PXDC1: variants seen among roughly 807,000 people sequenced by gnomAD.
The protein encoded by PXDC1 is PX domain containing 1, also known as PX domain-containing protein 1.
In PXDC1, 13 loss-of-function variants were observed where a neutral mutation model predicts 24.4. The observed-to-expected ratio is 0.53, with a 90% CI of 0.35 to 0.85. The LOEUF is 0.85. Ranked by LOEUF, PXDC1 falls within the 40% of genes least tolerant of loss-of-function variation. The pLI is 0.01. For synonymous variants in PXDC1, 162 were observed against 124.9 expected (o/e 1.30, Z -1.98); for missense variants, 344 against 309.3 (o/e 1.11, Z -0.84).
chr6:3,726,791 C>T (rs1760078137), intron 4 of PXDC1, among the ~76,000 whole-genome samples: 1 of 152,268 alleles, frequency 6.6e-6, no homozygotes, highest in South Asian at 2.1e-4. Flanking sequence ...GCATCCAGAG[C>T]TGCCTCTGTG....
intron 3 of PXDC1, among the ~76,000 whole-genome samples, chr6:3,731,898 G>GGGCT (rs1760208329): frequency 6.6e-6 from 1 of 152,212 alleles, no homozygotes; most frequent in East Asian, 1.9e-4. Flanking sequence ...TATGGGGGTG[G>GGGCT]GGCTGAGGCT....
chr6:3,737,629 T>G lies in PXDC1; in HGVS notation c.348+428A>C. 4.1e-6 allele frequency: 4 copies of G among 984,764 alleles called. No homozygotes were observed. Among genetic ancestry groups the G allele is most frequent in the Non-Finnish European group, 4.8e-6 (4 of 829,474 alleles). The allele number at this position is 984,764 out of a possible 1,614,324, so 61.0% of individuals were successfully genotyped here. Reference sequence around the variant, plus strand: ...CCCGCAGGCTTACATGGAAAGGGAGTTGACGGTCAAATCCGGGCAACGTGC... The same window carrying G: ...CCCGCAGGCTTACATGGAAAGGGAGGTGACGGTCAAATCCGGGCAACGTGC... On this transcript the variant is annotated intron_variant, in intron 2 of 4. Transcript: ENST00000380283. The surrounding 1 kb of genome is among the most constrained non-coding windows in gnomAD (Gnocchi z 5.5).
At chr6:3,739,319 G>A (rs572979848) in intron 1 of PXDC1, among the ~76,000 whole-genome samples, 33 of 152,316 alleles carry the variant, frequency 2.2e-4, no homozygotes, top group Non-Finnish European at 4.3e-4. Flanking sequence ...CCATAACGGG[G>A]GTCAGTGGGG....
chr6:3,738,034 GC>G (rs3215783), intron 2 of PXDC1, 22 bp downstream of exon 2: 576,990 of 1,604,234 alleles, frequency 0.36, 104,625 homozygotes, highest in East Asian at 0.42. Context: ...TCCCTGCCCA[GC>G]CCGGGGCCTG....
intron 1 of PXDC1, chr6:3,750,963 G>A (rs1026560058): frequency 6.1e-6 from 2 of 328,332 alleles, no homozygotes; most frequent in South Asian, 6.5e-5. Flanking sequence ...CTCAGCCCCG[G>A]GCGCCCCCGC....
At chr6:3,748,728 G>A (rs1477186680) in intron 1 of PXDC1, among the ~76,000 whole-genome samples, 2 of 152,166 alleles carry the variant, frequency 1.3e-5, no homozygotes, top group African/African-American at 4.8e-5. Flanking sequence ...AGAGTCACCA[G>A]CCCACTGCCA....
At position 3,727,769 on chromosome 6, in the gene PXDC1, G is replaced by A. The variant is rs1016278821; in HGVS notation, c.467-107C>T. ...CTGCTTTCTCCTCCACCTGTTGCCC[G>A]TGCCTCTCTTCCACACCGTAAGAGA... On this transcript the variant is annotated intron_variant, in intron 3 of 4. Transcript: ENST00000380283. The A allele has an allele frequency of 6.1e-5, 44 of 718,886 alleles. No homozygotes were observed. In the Middle Eastern group the frequency reaches 9.5e-4, roughly 16 times the overall value. The allele number at this position is 718,886 out of a possible 1,614,324, so 44.5% of individuals were successfully genotyped here. A position where few individuals can be genotyped will look rare whatever the true frequency, so the allele number is the denominator to read the frequency against.
chr6:3,728,575 G>A lies in PXDC1; in HGVS notation c.467-913C>T, dbSNP rs78602161. Among the ~76,000 whole-genome samples the A allele has an allele frequency of 6.2e-3, 941 of 152,246 alleles. 12 individuals carry two copies. The highest frequency in any genetic ancestry group is 0.021 in the African/African-American group (892 of 41,542). On this transcript the variant is annotated intron_variant, in intron 3 of 4. Coordinates refer to ENST00000380283, the MANE Select transcript of PXDC1 (RefSeq NM_183373.4). This position sits in a 1 kb window ranked among gnomAD's most constrained non-coding sequence, Gnocchi z 4.0. ...CATGAGCTAGAGGGTGGAAGTCTGC[G>A]CTCGTCCTTGGCTGGAGGGGCTGGA...
intron 1 of PXDC1, among the ~76,000 whole-genome samples, chr6:3,745,193 G>T (rs1347465790): frequency 6.6e-6 from 1 of 152,202 alleles, no homozygotes. Context: ...TTCTCCCAGG[G>T]TATATGGGGG....
rs751873726 is a variant in PXDC1, at chr6:3,723,654, G to A, written c.661C>T (p.His221Tyr). 1 of 1,614,128 alleles carries A rather than the reference G, an allele frequency of 6.2e-7. No homozygotes were observed. Among genetic ancestry groups the A allele is most frequent in the Admixed American group, 1.7e-5 (1 of 60,024 alleles). ...ATGTCTGTCTCGAAGGGGACCAGGT[G>A]GTAATATGACAGGTTGGTGACGTAG... ...AAYVTNLSYY[H>Y]LVPFETDIWD Residue 221 changes from histidine (H) to tyrosine (Y), a missense_variant, in exon 5 of 5, where the codon CAC (histidine) becomes TAC (tyrosine). By Grantham distance (83) the His-to-Tyr change is moderately conservative (BLOSUM62 2). Coordinates refer to ENST00000380283, the MANE Select transcript of PXDC1 (RefSeq NM_183373.4).
In PXDC1 at chr6:3,751,631, G is replaced by C. The variant is rs1760728497; in HGVS notation, c.-100C>G. On this transcript the variant is annotated 5_prime_UTR_variant, in exon 1 of 5. Coordinates refer to ENST00000380283, the MANE Select transcript of PXDC1 (RefSeq NM_183373.4). ...GGTCGTCCCGGGTCTGTCCGTGGCCGGGGTCGTCCGGGGTCGGCCCGTCAC... is the reference window on the plus strand; with the variant it reads ...GGTCGTCCCGGGTCTGTCCGTGGCCCGGGTCGTCCGGGGTCGGCCCGTCAC... 1.5e-6 allele frequency: 2 copies of C among 1,341,962 alleles called. No individual in the cohort carries two copies. Among genetic ancestry groups the C allele is most frequent in the East Asian group, 3.1e-5 (1 of 31,936 alleles). 83.1% of individuals were successfully genotyped at this position (1,341,962 alleles called of 1,614,324 possible).
intron 1 of PXDC1, among the ~76,000 whole-genome samples, chr6:3,750,374 G>A (rs1760675854): frequency 6.6e-6 from 1 of 152,140 alleles, no homozygotes; most frequent in East Asian, 1.9e-4. Context: ...CATGGAGGGG[G>A]GTGGGACCTG....
intron 1 of PXDC1, among the ~76,000 whole-genome samples, chr6:3,745,098 C>T (rs1434440976): frequency 6.6e-6 from 1 of 152,258 alleles, no homozygotes; most frequent in Non-Finnish European, 1.5e-5. Flanking sequence ...CGAGCAAGGC[C>T]ACAGGCCTAG....
At chr6:3,750,364 C>G (rs1321956481) in intron 1 of PXDC1, among the ~76,000 whole-genome samples, 1 of 152,206 alleles carries the variant, frequency 6.6e-6, no homozygotes, top group African/African-American at 2.4e-5. Context: ...GGTGGTCACC[C>G]ATGGAGGGGG....
In PXDC1 at chr6:3,743,711, G is replaced by A. The variant is rs1032844982; in HGVS notation, c.257-5563C>T. ...AACCTGAGGCTGCTCTTCGCTATCC[G>A]AGACTGACACGTTTCCACCTGTGGA... On this transcript the variant is annotated intron_variant, in intron 1 of 4. Transcript: ENST00000380283. Among the ~76,000 whole-genome samples the A allele has an allele frequency of 5.9e-5, 9 of 152,210 alleles. No homozygotes were observed. The East Asian group carries it at 7.7e-4, about 13-fold the overall frequency.
intron 3 of PXDC1, among the ~76,000 whole-genome samples, chr6:3,731,630 C>T (rs563460647): frequency 1.3e-4 from 20 of 152,382 alleles, no homozygotes; most frequent in East Asian, 3.9e-4. Context: ...TTTCCACCAA[C>T]GTTCCTCTTT....
chr6:3,736,927 G>T (rs1278958194), intron 3 of PXDC1, 152 bp downstream of exon 3: 1 of 671,620 alleles, frequency 1.5e-6, no homozygotes. Context: ...GGAGAATCAG[G>T]CAACAGTCTC....
At position 3,727,658 on chromosome 6, in the gene PXDC1, G is replaced by A. The variant is rs142673215; in HGVS notation, c.471C>T (p.Ile157=). 1.9e-6 allele frequency: 3 copies of A among 1,610,926 alleles called. No homozygotes were observed. The highest frequency in any genetic ancestry group is 2.5e-6 in the Non-Finnish European group (3 of 1,177,178). The change falls in exon 4 of 5, where the codon ATC becomes ATT. Residue 157 remains isoleucine, a synonymous_variant. Coordinates refer to ENST00000380283, the MANE Select transcript of PXDC1 (RefSeq NM_183373.4). ...SFQSPVKISE[I]MRSNGFCLAN... The stretch of plus-strand genomic sequence containing the variant: ...CTAAACAAAATCCATTGGACCTCAT[G>A]ATTTCTGAAAACCAAAGCAACAAGG...
In PXDC1 at chr6:3,723,371, C is replaced by A; in HGVS notation, c.*248G>T. The A allele has an allele frequency of 1.8e-6, 1 of 546,440 alleles. No homozygotes were observed. The highest frequency in any genetic ancestry group is 3.3e-6 in the Non-Finnish European group (1 of 305,342). The allele number at this position is 546,440 out of a possible 1,614,324, so 33.8% of individuals were successfully genotyped here. On this transcript the variant is annotated 3_prime_UTR_variant, in exon 5 of 5. Transcript: ENST00000380283. ...GGGCACCAAGCAGGGAGTGAAGACC[C>A]TCAGAACACAGGCCCTGTGGCCTCC...
Sources: allele counts gnomAD v4.1 joint callset (sites outside exome capture counted in the v4.1 genomes callset), GRCh38; gene constraint gnomAD v4.1.1; non-coding constraint Gnocchi (gnomAD v3.1); transcripts MANE v1.5; gene names NCBI Gene and HGNC (gene_info 2026-07-23, HGNC 2026-07-21).